Variants in TBKBP1 observed in about 807,000 individuals in gnomAD.
TBKBP1 encodes TBK1 binding protein 1, also known as TANK-binding kinase 1-binding protein 1.
TBKBP1 carries 47 observed loss-of-function variants against 69.9 expected under a neutral mutation model. The observed-to-expected ratio is 0.67, with a 90% CI of 0.53 to 0.86. The LOEUF (loss-of-function observed/expected upper bound fraction) is 0.86, where lower values mean the gene tolerates loss of function less well. Among genes scored for constraint, TBKBP1 ranks in the 40% least tolerant of loss-of-function variants. The pLI is 0.00. For missense variants in TBKBP1, 831 were observed against 858.6 expected (o/e 0.97, Z 0.40); for synonymous variants, 418 against 390.3 (o/e 1.07, Z -0.84).
rs762139299 is a variant in TBKBP1, at chr17:47,710,510, A to T, written c.1732A>T (p.Thr578Ser). Residue 578 changes from threonine (T) to serine (S), a missense_variant, in exon 10 of 10, where the codon ACG becomes TCG. Physicochemically the swap from Thr to Ser is moderately conservative, Grantham distance 58 (BLOSUM62 1). Transcript: ENST00000578982. ...TCTCTCTCGACAGTTGCTGATGGAG[A>T]CGGTGGGCTCCGACATCCGCAGCTG... The part of the protein sequence containing the change: ...SWPSINLLME[T>S]VGSDIRSCPL... 20 of 1,610,070 alleles carry T rather than the reference A, an allele frequency of 1.2e-5. No homozygotes were observed. The East Asian group carries it at 4.0e-4, about 32-fold the overall frequency.
chr17:47,701,153 C>T (rs1303382587), intron 7 of TBKBP1, among the ~76,000 whole-genome samples: 1 of 152,176 alleles, frequency 6.6e-6, no homozygotes, highest in East Asian at 1.9e-4. Flanking sequence ...TGGGGATACC[C>T]CTCGCCTACC....
chr17:47,710,349 G>C (rs565156671), intron 9 of TBKBP1, 149 bp from the exon 10 acceptor site: 221 of 1,038,238 alleles, frequency 2.1e-4, no homozygotes, highest in Middle Eastern at 1.8e-3. Context: ...GAGCTGGTGT[G>C]GGGGAGGACG....
Position 47,698,705 on chromosome 17 carries a change from C to A in TBKBP1, c.564C>A (p.Ala188=), listed in dbSNP as rs1441456248. 6.2e-7 allele frequency: 1 copy of A among 1,607,308 alleles called. No individual in the cohort carries two copies. Among genetic ancestry groups the A allele is most frequent in the East Asian group, 2.2e-5 (1 of 44,594 alleles). ...TCTCCAACCTGAGCCCACCGCCAGC[C>A]CCCGCCCCTCCCTGCACTGATTTAG... ...AAFSNLSPPP[A]PAPPCTDLDL... The change falls in exon 5 of 10, where the codon GCC becomes GCA. Residue 188 remains alanine, a synonymous_variant. Coordinates refer to ENST00000578982, the MANE Select transcript of TBKBP1 (RefSeq NM_001394755.1).
In TBKBP1 at chr17:47,709,095, C is replaced by T. The variant is rs1454333434; in HGVS notation, c.1362C>T (p.Ala454=). 7.3e-7 allele frequency: 1 copy of T among 1,361,250 alleles called. No individual in the cohort carries two copies. Among genetic ancestry groups the T allele is most frequent in the Non-Finnish European group, 9.4e-7 (1 of 1,062,150 alleles). The allele number at this position is 1,361,250 out of a possible 1,614,324, so 84.3% of individuals were successfully genotyped here. Residue 454 remains alanine, a synonymous_variant, in exon 9 of 10, where the codon GCC becomes GCT. Coordinates refer to ENST00000578982, the MANE Select transcript of TBKBP1 (RefSeq NM_001394755.1). The part of the protein sequence containing the change: ...YAKPPSHHVK[A]GFQGRRSYSE... The stretch of plus-strand genomic sequence containing the variant: ...AGCCGCCCAGCCACCACGTGAAGGC[C>T]GGCTTCCAGGGCCGCCGCAGCTACT...
rs1435388754 is a variant in TBKBP1, at chr17:47,699,675, G to A, written c.850G>A (p.Val284Met). ...SNQSERDMAW[V>M]KRVGDDQVNL... is the part of the protein sequence containing the mutation. ...CCAGTCGGAGCGAGACATGGCGTGG[G>A]TGAAAAGAGTTGGGGATGATCAGTA... The change falls in exon 7 of 10, where the codon GTG becomes ATG. Residue 284 changes from valine (V) to methionine (M), a missense_variant. Val to Met is a conservative substitution (Grantham distance 21). Coordinates refer to ENST00000578982, the MANE Select transcript of TBKBP1 (RefSeq NM_001394755.1). 1 of 1,613,988 alleles carries A rather than the reference G, an allele frequency of 6.2e-7. No individual in the cohort carries two copies. Among genetic ancestry groups the A allele is most frequent in the Admixed American group, 1.7e-5 (1 of 60,032 alleles).
chr17:47,698,997 C>T lies in TBKBP1; in HGVS notation c.634+222C>T, dbSNP rs540494369. On this transcript the variant is annotated intron_variant, in intron 5 of 9. Coordinates refer to ENST00000578982, the MANE Select transcript of TBKBP1 (RefSeq NM_001394755.1). ...GATCACCTCGTTGCAATTCCTGTGC[C>T]TGCCAGCAGAGGGCGCCCCCACCCA... Among the ~76,000 whole-genome samples, 260 of 152,206 alleles carry T rather than the reference C, an allele frequency of 1.7e-3. 1 individual carries two copies. The South Asian group carries it at 0.025, about 15-fold the overall frequency.
chr17:47,705,777 A>T (rs113103968), intron 7 of TBKBP1, among the ~76,000 whole-genome samples: 3 of 152,192 alleles, frequency 2.0e-5, no homozygotes, highest in East Asian at 3.8e-4. Context: ...GAGACACCCA[A>T]TGAAGGGGGA....
intron 7 of TBKBP1, among the ~76,000 whole-genome samples, chr17:47,702,611 G>T (rs953784666): frequency 6.6e-6 from 1 of 151,866 alleles, no homozygotes; most frequent in Non-Finnish European, 1.5e-5. Flanking sequence ...GGCCATTAAC[G>T]TTCCCACGAA....
rs561601103 is a variant in TBKBP1, at chr17:47,695,837, C to T, written c.-34-242C>T. ...CTGCTGCCGGCCTGGCTTACTTGTCCCTACTTGTCAACACCCTGGCAGCGG... is the reference window on the plus strand; with the variant it reads ...CTGCTGCCGGCCTGGCTTACTTGTCTCTACTTGTCAACACCCTGGCAGCGG... On this transcript the variant is annotated intron_variant, in intron 1 of 9. Coordinates refer to ENST00000578982, the MANE Select transcript of TBKBP1 (RefSeq NM_001394755.1). 120 of 377,200 alleles carry T rather than the reference C, an allele frequency of 3.2e-4. No homozygotes were observed. The Middle Eastern group carries it at 7.6e-3, about 24-fold the overall frequency. The allele number at this position is 377,200 out of a possible 1,614,324, so 23.4% of individuals were successfully genotyped here.
chr17:47,705,257 C>T (rs756040511), intron 7 of TBKBP1, among the ~76,000 whole-genome samples: 8 of 152,220 alleles, frequency 5.3e-5, no homozygotes, highest in Non-Finnish European at 1.0e-4. Flanking sequence ...GCAGAGCTCC[C>T]ATCCCAGCAA....
chr17:47,701,752 G>T (rs549660830), intron 7 of TBKBP1, among the ~76,000 whole-genome samples: 2 of 152,328 alleles, frequency 1.3e-5, no homozygotes, highest in South Asian at 4.1e-4. Context: ...CCTATAAGGG[G>T]CTAGGAGGCC....
At chr17:47,705,839 C>T (rs544290875) in intron 7 of TBKBP1, among the ~76,000 whole-genome samples, 8 of 152,266 alleles carry the variant, frequency 5.3e-5, no homozygotes, top group Admixed American at 2.0e-4. Context: ...ATCACCTTGC[C>T]GGGGACTTAG....
intron 7 of TBKBP1, among the ~76,000 whole-genome samples, chr17:47,707,451 G>A (rs1183557871): frequency 6.6e-6 from 1 of 152,246 alleles, no homozygotes; most frequent in Non-Finnish European, 1.5e-5. Context: ...AAAATGGAGG[G>A]AGAGGCTCAA....
rs956058131 is a variant in TBKBP1 at position 47,708,700 on chromosome 17, C to A, written c.992-25C>A. 1.0e-5 allele frequency: 15 copies of A among 1,481,370 alleles called. No individual in the cohort carries two copies. The highest frequency in any genetic ancestry group is 4.2e-5 in the African/African-American group (3 of 71,328). The allele number at this position is 1,481,370 out of a possible 1,614,324, so 91.8% of individuals were successfully genotyped here. ...TCTTCTCTCTGCACCTTTGTCCCCC[C>A]ACCCCGTCCCGGTTTCTCTTCCAGG... On this transcript the variant is annotated intron_variant, in intron 8 of 9. Coordinates refer to ENST00000578982, the MANE Select transcript of TBKBP1 (RefSeq NM_001394755.1). The surrounding 1 kb of genome is among the most constrained non-coding windows in gnomAD (Gnocchi z 4.4).
At chr17:47,698,256 T>C (rs2031330200) in intron 4 of TBKBP1, among the ~76,000 whole-genome samples, 1 of 152,210 alleles carries the variant, frequency 6.6e-6, no homozygotes, top group African/African-American at 2.4e-5. Flanking sequence ...CCCCATTTTA[T>C]GGATCAGGTG....
In TBKBP1 at chr17:47,699,690, GA is replaced by G; in HGVS notation, c.866del (p.Asp289ValfsTer4). ...RDMAWVKRVG[D>X]DQVNLALAYT... ...CATGGCGTGGGTGAAAAGAGTTGGGGATGATCAGTAAGTCACATTGGTAACC... is the reference window on the plus strand; with the variant it reads ...CATGGCGTGGGTGAAAAGAGTTGGGGTGATCAGTAAGTCACATTGGTAACC... On this transcript the variant is annotated frameshift_variant, in exon 7 of 10. Transcript: ENST00000578982. LOFTEE classifies it high-confidence loss of function. 7 of 1,613,994 alleles carry G rather than the reference GA, an allele frequency of 4.3e-6. No homozygotes were observed. The highest frequency in any genetic ancestry group is 5.9e-6 in the Non-Finnish European group (7 of 1,179,902).
Position 47,711,304 on chromosome 17 carries a change from A to G in TBKBP1, c.*678A>G, listed in dbSNP as rs1358058886. ...CTGGAGGACTGGGAAGATCTAGCCT[A>G]AAGAGGCTTCTCTGAGGGCCAGGGC... On this transcript the variant is annotated 3_prime_UTR_variant, in exon 10 of 10. Coordinates refer to ENST00000578982, the MANE Select transcript of TBKBP1 (RefSeq NM_001394755.1). The G allele has an allele frequency of 6.5e-6, 1 of 152,894 alleles. No individual in the cohort carries two copies. Among genetic ancestry groups the G allele is most frequent in the Non-Finnish European group, 1.5e-5 (1 of 68,238 alleles). The allele number at this position is 152,894 out of a possible 1,614,324, so 9.5% of individuals were successfully genotyped here. A position where few individuals can be genotyped will look rare whatever the true frequency, so the allele number is the denominator to read the frequency against.
rs756352574 is a variant in TBKBP1, at chr17:47,696,103, G to A, written c.-10G>A. The A allele has an allele frequency of 8.3e-5, 133 of 1,602,898 alleles. 1 individual carries two copies. The highest frequency in any genetic ancestry group is 2.7e-5 in the African/African-American group (2 of 74,654). ...GGAGGCCCCGTGTGGGCCGCGGCCC[G>A]GCCCTCACCATGGAGTCCATGTTCG... On this transcript the variant is annotated 5_prime_UTR_variant, in exon 2 of 10. Transcript: ENST00000578982.
intron 7 of TBKBP1, among the ~76,000 whole-genome samples, chr17:47,700,574 G>A (rs1333207067): frequency 6.6e-6 from 1 of 152,038 alleles, no homozygotes; most frequent in African/African-American, 2.4e-5. Flanking sequence ...GGCCCGGCCA[G>A]TTGGGTTCAC....
Sources: gnomAD v4.1 joint callset for allele counts (sites outside exome capture counted in the v4.1 genomes callset) on GRCh38, gnomAD v4.1.1 for gene constraint, Gnocchi (gnomAD v3.1) non-coding constraint, MANE v1.5 for transcripts, NCBI Gene and HGNC (gene_info 2026-07-23, HGNC 2026-07-21) for gene names.